USP40: variants seen among roughly 807,000 people sequenced by gnomAD.
The protein encoded by USP40 is ubiquitin specific peptidase 40.
USP40 carries 143 observed loss-of-function variants against 166.2 expected under a neutral mutation model. That is an observed-to-expected ratio of 0.86 (90% CI 0.75 to 0.99). The LOEUF is 0.99. USP40 is among the 50% of genes least tolerant of loss of function. USP40 has a pLI of 0.00. For missense variants in USP40, 1,444 were observed against 1,479.7 expected, an observed-to-expected ratio of 0.98 and a Z score of 0.40; for synonymous variants, 498 against 524.0, an observed-to-expected ratio of 0.95 and a Z score of 0.68.
chr2:233,521,199 T>A, intron 16 of USP40, 85 bp from the exon 17 acceptor site: 2 of 1,431,918 alleles, frequency 1.4e-6, no homozygotes, highest in Non-Finnish European at 1.9e-6. Context: ...TTAATGTGAC[T>A]AATTAGAGGT....
rs200139615 is a variant in USP40, at chr2:233,561,105, T to TA, written c.268-1182dup. On this transcript the variant is annotated intron_variant, in intron 3 of 31. Transcript: ENST00000678225. ...TGAACAAGCCACTTAATTCCTTCTTTAAAAAAAATTTTCTGAATACGCTAA... is the reference window on the plus strand; with the variant it reads ...TGAACAAGCCACTTAATTCCTTCTTTAAAAAAAAATTTTCTGAATACGCTAA... The TA allele has an allele frequency of 3.8e-3, 5,890 of 1,536,666 alleles. 116 individuals are homozygous for TA. The East Asian group carries it at 0.06, about 16-fold the overall frequency.
intron 2 of USP40, among the ~76,000 whole-genome samples, chr2:233,563,700 C>T (rs55888324): frequency 0.031 from 4,683 of 152,210 alleles, 224 homozygotes; most frequent in African/African-American, 0.11. Context: ...AAATTTCCCC[C>T]GCCAGTTCTC....
At chr2:233,532,034 T>G (rs1335393915) in intron 11 of USP40, among the ~76,000 whole-genome samples, 1 of 152,234 alleles carries the variant, frequency 6.6e-6, no homozygotes, top group Non-Finnish European at 1.5e-5. Flanking sequence ...TTTGACCTTT[T>G]CTGCGCACAC....
intron 21 of USP40, among the ~76,000 whole-genome samples, chr2:233,505,387 A>C (rs1394988959): frequency 6.6e-6 from 1 of 152,130 alleles, no homozygotes; most frequent in Non-Finnish European, 1.5e-5. Context: ...TTCAAAAGAG[A>C]AACAAAATTA....
intron 2 of USP40, among the ~76,000 whole-genome samples, chr2:233,565,065 T>A (rs901446708): frequency 6.6e-6 from 1 of 152,224 alleles, no homozygotes; most frequent in African/African-American, 2.4e-5. Flanking sequence ...TGAAGACTGA[T>A]ACTTATGACA....
chr2:233,555,503 T>C (rs1039231011), intron 5 of USP40, among the ~76,000 whole-genome samples: 14 of 152,192 alleles, frequency 9.2e-5, no homozygotes, highest in Non-Finnish European at 1.6e-4. Flanking sequence ...AAAGTTAATG[T>C]CTTTAATTTA....
intron 31 of USP40, among the ~76,000 whole-genome samples, chr2:233,479,528 A>C (rs1164930475): frequency 6.6e-6 from 1 of 150,694 alleles, no homozygotes; most frequent in Non-Finnish European, 1.5e-5. Flanking sequence ...GTGCCACTGC[A>C]CTCCAGCCTG....
In USP40 at chr2:233,516,658, A is replaced by AGC. The variant is rs1417034679; in HGVS notation, c.2383+2954_2383+2955dup. On this transcript the variant is annotated intron_variant, in intron 18 of 31. Transcript: ENST00000678225. ...GGCCAAGATCGCACCACTGCACTCT[A>AGC]GCCTGGGTGACAGAGCGAGACTCCA... Among the ~76,000 whole-genome samples, 4 of 151,496 alleles carry AGC rather than the reference A, an allele frequency of 2.6e-5. No homozygotes were observed. In the East Asian group the frequency reaches 7.8e-4, roughly 29 times the overall value.
chr2:233,532,506 T>C (rs765640065), intron 11 of USP40, among the ~76,000 whole-genome samples: 1 of 152,198 alleles, frequency 6.6e-6, no homozygotes. Context: ...AGATTCTGTA[T>C]CTGGGCCCTT....
intron 28 of USP40, chr2:233,487,728 T>C (rs1329240010): frequency 7.3e-5 from 16 of 220,632 alleles, no homozygotes; most frequent in Admixed American, 5.3e-5. Context: ...TAAATAATTA[T>C]TGACTATGAC....
intron 6 of USP40, 179 bp downstream of exon 6, chr2:233,554,201 G>A (rs750324288): frequency 1.0e-5 from 6 of 593,728 alleles, no homozygotes; most frequent in African/African-American, 1.9e-5. Context: ...GTGAACTGTT[G>A]GGTTGAAAGC....
chr2:233,533,966 T>TA (rs544255878), intron 10 of USP40, among the ~76,000 whole-genome samples, 187 bp from the exon 11 acceptor site: 2 of 152,218 alleles, frequency 1.3e-5, no homozygotes, highest in Non-Finnish European at 2.9e-5. Context: ...AGTGCTCTGT[T>TA]AAATAGTCTG....
At chr2:233,565,728 G>C in intron 1 of USP40, 155 bp from the exon 2 acceptor site, 1 of 646,398 alleles carries the variant, frequency 1.5e-6, no homozygotes, top group Non-Finnish European at 2.6e-6. Context: ...GCAAGATCTA[G>C]ATTTTTTTCA....
chr2:233,520,448 TA>T (rs369248997), intron 17 of USP40, among the ~76,000 whole-genome samples: 171 of 152,104 alleles, frequency 1.1e-3, no homozygotes, highest in African/African-American at 3.8e-3. Context: ...AAAAAACCCA[TA>T]ATGAATTGAG....
chr2:233,493,548 A>C lies in USP40; in HGVS notation c.2794T>G (p.Phe932Val), dbSNP rs780312509. Reference sequence around the variant, plus strand: ...TACCACCAGATGGGCACCTTCAGGAAACCCTGAAGAATGGAGCATGTTTAA... The same window carrying C: ...TACCACCAGATGGGCACCTTCAGGACACCCTGAAGAATGGAGCATGTTTAA... The part of the protein sequence containing the change: ...LIEGQLPPLG[F>V]LKVPIWWYQL... Residue 932 changes from phenylalanine to valine, a missense_variant, in exon 25 of 32, where the codon TTC (phenylalanine) becomes GTC (valine). Phe to Val is a conservative substitution (Grantham distance 50). Coordinates refer to ENST00000678225, the MANE Select transcript of USP40 (RefSeq NM_001365479.2). The surrounding 1 kb of genome is among the most constrained non-coding windows in gnomAD (Gnocchi z 4.7). 9.3e-6 allele frequency: 15 copies of C among 1,611,334 alleles called. No individual in the cohort carries two copies. The highest frequency in any genetic ancestry group is 3.3e-4 in the Middle Eastern group (2 of 6,050).
intron 31 of USP40, 54 bp downstream of exon 31, chr2:233,481,145 AAGAG>A: frequency 1.4e-6 from 2 of 1,468,024 alleles, no homozygotes; most frequent in East Asian, 2.4e-5. Flanking sequence ...AAGCAGGAAT[AAGAG>A]AGAGTCAGAG....
At chr2:233,556,723 A>G in intron 5 of USP40, 132 bp downstream of exon 5, 2 of 826,570 alleles carry the variant, frequency 2.4e-6, no homozygotes, top group Middle Eastern at 4.0e-4. Flanking sequence ...GTGTAGTTAG[A>G]AGAAAAAAAA....
chr2:233,565,254 A>C (rs1162167963), intron 2 of USP40, 102 bp downstream of exon 2: 2 of 909,876 alleles, frequency 2.2e-6, no homozygotes, highest in African/African-American at 3.4e-5. Context: ...ATACTGTAGA[A>C]TATATCTTTA....
chr2:233,521,284 A>C (rs948057282), intron 16 of USP40, among the ~76,000 whole-genome samples, 170 bp from the exon 17 acceptor site: 2 of 152,214 alleles, frequency 1.3e-5, no homozygotes, highest in African/African-American at 2.4e-5. Context: ...TAGTCTATAG[A>C]GTCTATATTC....
Sources: gnomAD v4.1 joint callset for allele counts (sites outside exome capture counted in the v4.1 genomes callset) on GRCh38, gnomAD v4.1.1 for gene constraint, Gnocchi (gnomAD v3.1) non-coding constraint, MANE v1.5 for transcripts, NCBI Gene and HGNC (gene_info 2026-07-23, HGNC 2026-07-21) for gene names.